Variants in ZFHX3 observed in about 807,000 individuals in gnomAD.
ZFHX3 encodes the protein zinc finger homeobox 3.
In ZFHX3, 42 loss-of-function variants were observed where a neutral mutation model predicts 279.1. The ratio of observed to expected loss-of-function variants is 0.15; its 90% CI spans 0.12 to 0.19. The LOEUF is 0.19. ZFHX3 is among the 10% of genes least tolerant of loss of function. The probability of loss-of-function intolerance (pLI) is 1.00; values close to 1 mark genes in which losing one functional copy is unlikely to be tolerated. For synonymous variants in ZFHX3, 2,293 were observed against 1,957.8 expected, an observed-to-expected ratio of 1.17 and a Z score of -4.52; for missense variants, 4,981 against 4,754.0, an observed-to-expected ratio of 1.05 and a Z score of -1.40.
intron 2 of ZFHX3, among the ~76,000 whole-genome samples, chr16:73,563,114 C>T (rs1037624195): frequency 8.6e-5 from 13 of 150,450 alleles, no homozygotes; most frequent in Admixed American, 6.6e-4. Flanking sequence ...GGAGGAGGTG[C>T]TAAAGGAGGT....
At chr16:73,705,092 T>C (rs967846892) in intron 1 of ZFHX3, among the ~76,000 whole-genome samples, 10 of 152,144 alleles carry the variant, frequency 6.6e-5, no homozygotes, top group Admixed American at 2.6e-4. Flanking sequence ...AGACGTAACC[T>C]CAAGACAAGA....
chr16:73,772,891 C>T (rs1427791311), intron 1 of ZFHX3, among the ~76,000 whole-genome samples: 2 of 152,202 alleles, frequency 1.3e-5, no homozygotes, highest in Non-Finnish European at 2.9e-5. Flanking sequence ...TCTTGAAAGA[C>T]ATGACTCATT....
In ZFHX3 at chr16:72,786,773, A is replaced by C. The variant is rs1567503819; in HGVS notation, c.*391T>G. On this transcript the variant is annotated 3_prime_UTR_variant, in exon 10 of 10. Coordinates refer to ENST00000268489, the MANE Select transcript of ZFHX3 (RefSeq NM_006885.4). ...AACAAGGTGGACTGCTTTCCCATAC[A>C]GTGCATGCCGGGCTCCTCTGTGCTA... The C allele has an allele frequency of 6.5e-6, 1 of 153,326 alleles. No individual in the cohort carries two copies. Among genetic ancestry groups the C allele is most frequent in the Non-Finnish European group, 1.5e-5 (1 of 68,600 alleles). 9.5% of individuals were successfully genotyped at this position (153,326 alleles called of 1,614,324 possible).
chr16:73,275,379 A>G (rs941530101), intron 4 of ZFHX3, among the ~76,000 whole-genome samples: 1 of 152,220 alleles, frequency 6.6e-6, no homozygotes, highest in African/African-American at 2.4e-5. Context: ...CTCAGAATCT[A>G]GAAGCATCAC....
At chr16:73,172,579 A>T (rs1460536336) in intron 5 of ZFHX3, among the ~76,000 whole-genome samples, 1 of 152,220 alleles carries the variant, frequency 6.6e-6, no homozygotes, top group African/African-American at 2.4e-5. Flanking sequence ...GGCCGTGTTC[A>T]AGATGGTAGC....
chr16:72,805,404 A>G (rs577104545), intron 7 of ZFHX3, among the ~76,000 whole-genome samples: 67 of 152,182 alleles, frequency 4.4e-4, no homozygotes, highest in Admixed American at 7.2e-4. Context: ...AGGTGAAAGT[A>G]TAGATTTGCC....
intron 8 of ZFHX3, among the ~76,000 whole-genome samples, chr16:73,066,727 GCGCCCAGGGCCCACGC>G (rs968055713): frequency 6.6e-6 from 1 of 152,148 alleles, no homozygotes; most frequent in African/African-American, 2.4e-5. Flanking sequence ...GGCGCACCTC[GCGCCCAGGGCCCACGC>G]CGCCCAGGCC....
At chr16:73,331,234 A>T (rs1379688648) in intron 3 of ZFHX3, among the ~76,000 whole-genome samples, 1 of 152,208 alleles carries the variant, frequency 6.6e-6, no homozygotes, top group Non-Finnish European at 1.5e-5. Flanking sequence ...TCATGAGAAC[A>T]GCATGGAGGA....
At chr16:72,976,143 A>G (rs986166673) in intron 1 of ZFHX3, among the ~76,000 whole-genome samples, 1 of 152,244 alleles carries the variant, frequency 6.6e-6, no homozygotes, top group Non-Finnish European at 1.5e-5. Flanking sequence ...GCATGTTAAC[A>G]TAAAGAACTT....
intron 1 of ZFHX3, among the ~76,000 whole-genome samples, chr16:73,830,401 G>A (rs1567423788): frequency 6.6e-6 from 1 of 152,012 alleles, no homozygotes; most frequent in Non-Finnish European, 1.5e-5. Context: ...GACCGGAGCT[G>A]TTCCTATTCG....
intron 1 of ZFHX3, among the ~76,000 whole-genome samples, chr16:73,040,021 G>A (rs1420160749): frequency 1.3e-5 from 2 of 152,218 alleles, no homozygotes; most frequent in African/African-American, 4.8e-5. Context: ...GTCAAGGGTT[G>A]ATTATGTCTG....
chr16:73,821,196 C>T (rs1960730540), intron 1 of ZFHX3, among the ~76,000 whole-genome samples: 1 of 152,206 alleles, frequency 6.6e-6, no homozygotes, highest in African/African-American at 2.4e-5. Flanking sequence ...ATGTTATACT[C>T]AGGGAATTCT....
At chr16:72,998,471 G>A (rs1229767238) in intron 1 of ZFHX3, among the ~76,000 whole-genome samples, 4 of 152,118 alleles carry the variant, frequency 2.6e-5, no homozygotes, top group Admixed American at 2.0e-4. Context: ...TTATTTAACC[G>A]AATCTGTCTA....
intron 2 of ZFHX3, among the ~76,000 whole-genome samples, chr16:73,556,133 T>C (rs892210835): frequency 1.3e-5 from 2 of 152,150 alleles, no homozygotes; most frequent in African/African-American, 4.8e-5. Flanking sequence ...GCGGCCTTAA[T>C]TGGACCTCTG....
intron 3 of ZFHX3, among the ~76,000 whole-genome samples, chr16:73,355,777 C>T (rs1414342179): frequency 1.3e-5 from 2 of 152,186 alleles, no homozygotes; most frequent in Non-Finnish European, 2.9e-5. Flanking sequence ...GTGACCATAA[C>T]GCCTACTTTC....
chr16:73,632,496 GC>G (rs1020169423), intron 2 of ZFHX3, among the ~76,000 whole-genome samples: 1 of 151,362 alleles, frequency 6.6e-6, no homozygotes, highest in African/African-American at 2.4e-5. Context: ...ACTTATCCTG[GC>G]CAACATGGTG....
chr16:73,296,908 T>G (rs886395223), intron 4 of ZFHX3, among the ~76,000 whole-genome samples: 1 of 128,382 alleles, frequency 7.8e-6, no homozygotes, highest in Non-Finnish European at 1.7e-5. Flanking sequence ...AGACGGAGTC[T>G]CTTTCTGTCA....
At chr16:73,774,596 C>A (rs138644653) in intron 1 of ZFHX3, among the ~76,000 whole-genome samples, 3 of 152,198 alleles carry the variant, frequency 2.0e-5, no homozygotes, top group Non-Finnish European at 2.9e-5. Context: ...TATGCACCCC[C>A]CAAAGATGGT....
At chr16:73,647,694 G>C (rs182875619) in intron 2 of ZFHX3, among the ~76,000 whole-genome samples, 44 of 151,736 alleles carry the variant, frequency 2.9e-4, no homozygotes, top group African/African-American at 8.7e-4. Flanking sequence ...TTTAGAAAGA[G>C]ATTAAAGATT....
Sources: allele counts gnomAD v4.1 joint callset (sites outside exome capture counted in the v4.1 genomes callset), GRCh38; gene constraint gnomAD v4.1.1; transcripts MANE v1.5; gene names NCBI Gene and HGNC (gene_info 2026-07-23, HGNC 2026-07-21).